ANKRD26: variants seen among roughly 807,000 people sequenced by gnomAD.
ANKRD26 encodes ankyrin repeat domain 26, also known as ankyrin repeat domain-containing protein 26.
ANKRD26 carries 141 observed loss-of-function variants against 208.7 expected under a neutral mutation model. The ratio of observed to expected loss-of-function variants is 0.68; its 90% CI spans 0.59 to 0.78. The LOEUF (loss-of-function observed/expected upper bound fraction) is 0.78. ANKRD26 is among the 30% of genes least tolerant of loss of function. The probability of loss-of-function intolerance (pLI) is 0.00; values close to 1 mark genes in which losing one functional copy is unlikely to be tolerated. For synonymous variants in ANKRD26, 636 were observed against 660.4 expected (o/e 0.96, Z 0.57); for missense variants, 1,889 against 1,938.7 (o/e 0.97, Z 0.48).
At chr10:27,047,701 A>ATACTACTACTAC (rs1252384073) in intron 17 of ANKRD26, among the ~76,000 whole-genome samples, 42 of 138,900 alleles carry the variant, frequency 3.0e-4, no homozygotes, top group African/African-American at 1.0e-3. Context: ...AACTGTAATA[A>ATACTACTACTAC]TACTACTACT....
chr10:27,054,713 A>G (rs2135398386), intron 15 of ANKRD26, among the ~76,000 whole-genome samples: 1 of 152,362 alleles, frequency 6.6e-6, no homozygotes, highest in East Asian at 1.9e-4. Context: ...GGCAGCAACA[A>G]GAGAGGGAAA....
rs184843923 is a variant in ANKRD26, at chr10:27,060,631, C to T, written c.1463-91G>A. On this transcript the variant is annotated intron_variant, in intron 13 of 33. Transcript: ENST00000376087. The stretch of plus-strand genomic sequence containing the variant: ...GCAGTGTTAGTATGACCAGAATCAT[C>T]ACGCTTGGTTTGAAAATGATTATGT... 34 of 989,966 alleles carry T rather than the reference C, an allele frequency of 3.4e-5. No individual in the cohort carries two copies. In the East Asian group the frequency reaches 8.2e-4, roughly 24 times the overall value. 61.3% of individuals were successfully genotyped at this position (989,966 alleles called of 1,614,324 possible). A position where few individuals can be genotyped will look rare whatever the true frequency, so the allele number is the denominator to read the frequency against.
At chr10:26,963,566 T>C in the ANKRD26 span, among the ~76,000 whole-genome samples, 1 of 152,324 alleles carries the variant, frequency 6.6e-6, no homozygotes, top group South Asian at 2.1e-4. Context: ...GTACAGGATC[T>C]TGATTAAGTT....
chr10:27,008,043 C>A (rs1308540694), intron 32 of ANKRD26, among the ~76,000 whole-genome samples: 1 of 151,762 alleles, frequency 6.6e-6, no homozygotes. Context: ...TATTTATATA[C>A]TTAATTATGA....
intron 5 of ANKRD26, among the ~76,000 whole-genome samples, chr10:26,992,499 C>A (rs901772621): frequency 2.0e-5 from 3 of 150,252 alleles, no homozygotes; most frequent in Non-Finnish European, 4.4e-5. Context: ...CACACACACA[C>A]ACACACACAG....
downstream of ANKRD26, among the ~76,000 whole-genome samples, chr10:27,003,000 G>T (rs2052758823): frequency 6.6e-6 from 1 of 152,268 alleles, no homozygotes; most frequent in Non-Finnish European, 1.5e-5. Flanking sequence ...TCTTTACTTA[G>T]AAGATTAGTG....
downstream of ANKRD26, among the ~76,000 whole-genome samples, chr10:26,989,423 G>A (rs377324784): frequency 2.6e-5 from 4 of 152,162 alleles, no homozygotes; most frequent in Non-Finnish European, 1.5e-5. Context: ...ATTCCAAAAA[G>A]ATTCACCTTT....
intron 5 of ANKRD26, among the ~76,000 whole-genome samples, chr10:27,083,223 T>C (rs538507991): frequency 2.6e-5 from 4 of 152,306 alleles, no homozygotes; most frequent in African/African-American, 9.6e-5. Flanking sequence ...CCTGGAAATA[T>C]AAACATATTT....
rs2054008019 is a variant in ANKRD26, at chr10:27,035,314, C to T, written c.3136G>A (p.Asp1046Asn). 7 of 1,613,722 alleles carry T rather than the reference C, an allele frequency of 4.3e-6. No individual in the cohort carries two copies. Among genetic ancestry groups the T allele is most frequent in the Non-Finnish European group, 5.9e-6 (7 of 1,179,890 alleles). Reference protein sequence around the residue: ...RARDECSRLQDKMNFDVSNLK... With the variant: ...RARDECSRLQNKMNFDVSNLK... ...TTAGACACATCAAAATTCATTTTGT[C>T]CTGTAAACGAGAACATTCATCTCTT... Residue 1046 changes from aspartate to asparagine, a missense_variant, in exon 24 of 34, where the codon GAC (aspartate) becomes AAC (asparagine). This residue lies in a region of ANKRD26 where 1,272 missense variants were observed against 1,273.8 expected (regional missense o/e 1.00). Transcript: ENST00000376087.
chr10:26,963,903 G>GTTTTTTTTTTTTGT, the ANKRD26 span, among the ~76,000 whole-genome samples: 1 of 71,848 alleles, frequency 1.4e-5, no homozygotes, highest in Admixed American at 1.5e-4. Context: ...TGGTTGGTTG[G>GTTTTTTTTTTTTGT]TTTTTTTTTT....
At chr10:27,064,166 T>C in intron 11 of ANKRD26, 85 bp from the exon 12 acceptor site, 2 of 1,045,688 alleles carry the variant, frequency 1.9e-6, no homozygotes, top group Admixed American at 2.2e-5. Flanking sequence ...TCAAATATAA[T>C]ATGAATTTCC....
intron 6 of ANKRD26, 106 bp downstream of exon 6, chr10:27,082,697 T>C: frequency 6.9e-7 from 1 of 1,444,466 alleles, no homozygotes; most frequent in Non-Finnish European, 9.2e-7. Context: ...TTGGGACGAC[T>C]ATATGGAGAA....
the ANKRD26 span, among the ~76,000 whole-genome samples, chr10:26,950,916 A>T: frequency 0.44 from 66,055 of 151,094 alleles, 16,677 homozygotes; most frequent in Non-Finnish European, 0.54. Context: ...CAAGAATACA[A>T]CTGCCTCAGT....
At chr10:27,023,804 A>C (rs1341719641) in intron 28 of ANKRD26, among the ~76,000 whole-genome samples, 1 of 152,168 alleles carries the variant, frequency 6.6e-6, no homozygotes, top group Non-Finnish European at 1.5e-5. Flanking sequence ...TCCATTTTTA[A>C]ATCTGGATAG....
chr10:27,083,870 A>C (rs1181796975), intron 5 of ANKRD26, among the ~76,000 whole-genome samples: 1 of 152,230 alleles, frequency 6.6e-6, no homozygotes, highest in African/African-American at 2.4e-5. Flanking sequence ...CATATTATTT[A>C]TGACTGCTTT....
chr10:26,974,084 C>T (rs4237380), exon 6 of ANKRD26, among the ~76,000 whole-genome samples: 131,334 of 152,022 alleles, frequency 0.86, 57,136 homozygotes, highest in East Asian at 1. Flanking sequence ...ACTCTTTTAG[C>T]AATTATCCTA....
chr10:26,997,849 T>G (rs1223466259), intron 4 of ANKRD26, among the ~76,000 whole-genome samples: 1 of 152,202 alleles, frequency 6.6e-6, no homozygotes, highest in Non-Finnish European at 1.5e-5. Context: ...CACTTGTTTC[T>G]TTGTTTGATC....
intron 25 of ANKRD26, 152 bp downstream of exon 25, chr10:27,033,073 A>G: frequency 1.0e-5 from 4 of 384,206 alleles, no homozygotes; most frequent in South Asian, 5.8e-5. Context: ...ATAGAACGAG[A>G]CTCCATCTCA....
At chr10:26,960,450 C>T in the ANKRD26 span, among the ~76,000 whole-genome samples, 2 of 152,302 alleles carry the variant, frequency 1.3e-5, no homozygotes, top group African/African-American at 4.8e-5. Flanking sequence ...CATCTTGGCT[C>T]CTCCAGACCA....
Sources: gnomAD v4.1 joint callset for allele counts (sites outside exome capture counted in the v4.1 genomes callset) on GRCh38, gnomAD v4.1.1 for gene constraint, gnomAD v4.1.1 regional missense constraint, MANE v1.5 for transcripts, NCBI Gene and HGNC (gene_info 2026-07-23, HGNC 2026-07-21) for gene names.